Variants in GRM8 observed in about 807,000 individuals in gnomAD.
GRM8 encodes the protein glutamate metabotropic receptor 8.
GRM8 carries 47 observed loss-of-function variants against 87.2 expected under a neutral mutation model. That is an observed-to-expected ratio of 0.54 (90% CI 0.43 to 0.69). GRM8 has a LOEUF of 0.69. GRM8 is among the 30% of genes least tolerant of loss of function. GRM8 has a pLI of 0.00. For missense variants in GRM8, 1,019 were observed against 1,139.2 expected (o/e 0.89, Z 1.52); for synonymous variants, 396 against 404.5 (o/e 0.98, Z 0.25).
intron 9 of GRM8, among the ~76,000 whole-genome samples, chr7:126,481,346 C>T (rs1206105751): frequency 6.6e-6 from 1 of 151,950 alleles, no homozygotes; most frequent in Admixed American, 6.6e-5. Context: ...CAAAAATCTC[C>T]TCCAAATAAA....
chr7:127,036,312 C>A (rs7778308), intron 3 of GRM8, among the ~76,000 whole-genome samples: 3 of 151,870 alleles, frequency 2.0e-5, no homozygotes, highest in Admixed American at 6.6e-5. Flanking sequence ...TCTTTCTGTT[C>A]AGTCGCATAT....
At chr7:127,052,216 A>G (rs550169853) in intron 3 of GRM8, among the ~76,000 whole-genome samples, 1 of 152,214 alleles carries the variant, frequency 6.6e-6, no homozygotes, top group Admixed American at 6.5e-5. Context: ...TTCATTTCCC[A>G]TTTGCAAAAT....
At chr7:127,041,055 G>T (rs1313363351) in intron 3 of GRM8, among the ~76,000 whole-genome samples, 2 of 152,214 alleles carry the variant, frequency 1.3e-5, no homozygotes, top group African/African-American at 4.8e-5. Flanking sequence ...GAGTTTTATA[G>T]TGATTAATAA....
intron 7 of GRM8, among the ~76,000 whole-genome samples, chr7:126,711,814 T>A (rs1811123470): frequency 6.6e-6 from 1 of 152,204 alleles, no homozygotes; most frequent in African/African-American, 2.4e-5. Flanking sequence ...TTCTTAAACC[T>A]CATGAACCAA....
At chr7:126,688,350 T>C (rs924778303) in intron 7 of GRM8, among the ~76,000 whole-genome samples, 1 of 152,140 alleles carries the variant, frequency 6.6e-6, no homozygotes, top group Non-Finnish European at 1.5e-5. Context: ...GCACTCTGAG[T>C]CCTCTGAAGC....
At chr7:126,577,597 C>T (rs1795231593) in intron 8 of GRM8, among the ~76,000 whole-genome samples, 1 of 152,026 alleles carries the variant, frequency 6.6e-6, no homozygotes, top group African/African-American at 2.4e-5. Flanking sequence ...ATTTTACATT[C>T]CAGTACTGTA....
chr7:126,669,735 T>C (rs995928261), intron 7 of GRM8, among the ~76,000 whole-genome samples: 5 of 152,228 alleles, frequency 3.3e-5, no homozygotes, highest in African/African-American at 1.2e-4. Flanking sequence ...GGGTTACCAT[T>C]ATAACAGGTA....
intron 2 of GRM8, among the ~76,000 whole-genome samples, chr7:127,220,625 T>C (rs959319314): frequency 2.0e-5 from 3 of 151,892 alleles, no homozygotes; most frequent in Non-Finnish European, 4.4e-5. Flanking sequence ...GCTGGGACTA[T>C]AGGTGCATGC....
At chr7:127,005,599 C>T (rs899001251) in intron 3 of GRM8, among the ~76,000 whole-genome samples, 1 of 151,778 alleles carries the variant, frequency 6.6e-6, no homozygotes, top group African/African-American at 2.4e-5. Flanking sequence ...AAGTCTTTTA[C>T]AGTTATCTAC....
intron 2 of GRM8, among the ~76,000 whole-genome samples, chr7:127,183,949 C>G (rs1794609304): frequency 6.6e-6 from 1 of 151,808 alleles, no homozygotes; most frequent in Non-Finnish European, 1.5e-5. Flanking sequence ...AAAGACACAA[C>G]TACCAAAAGT....
At chr7:126,750,358 G>T (rs1242338521) in intron 7 of GRM8, among the ~76,000 whole-genome samples, 1 of 151,986 alleles carries the variant, frequency 6.6e-6, no homozygotes, top group Non-Finnish European at 1.5e-5. Flanking sequence ...GAACACTTGA[G>T]GTAATAAACA....
At chr7:126,565,927 C>A (rs1448157269) in intron 8 of GRM8, among the ~76,000 whole-genome samples, 11 of 152,024 alleles carry the variant, frequency 7.2e-5, no homozygotes, top group African/African-American at 1.2e-4. Flanking sequence ...CAAGAATATA[C>A]AATGGGGAAA....
At chr7:126,969,922 T>C (rs1810245920) in intron 3 of GRM8, among the ~76,000 whole-genome samples, 1 of 152,174 alleles carries the variant, frequency 6.6e-6, no homozygotes, top group South Asian at 2.1e-4. Flanking sequence ...AAAACATTAA[T>C]TTCCTTGTGT....
intron 6 of GRM8, among the ~76,000 whole-genome samples, chr7:126,783,315 C>A (rs1314458929): frequency 6.6e-6 from 1 of 152,278 alleles, no homozygotes; most frequent in East Asian, 1.9e-4. Flanking sequence ...ACCTGAATTT[C>A]TTTCTCAAGA....
chr7:126,870,937 G>A (rs1051906365), intron 6 of GRM8, among the ~76,000 whole-genome samples: 7 of 152,120 alleles, frequency 4.6e-5, no homozygotes, highest in African/African-American at 1.7e-4. Context: ...ATATGAAAGA[G>A]CTGCACTCAA....
At chr7:126,646,319 GAAGA>G (rs1459720850) in intron 7 of GRM8, among the ~76,000 whole-genome samples, 11 of 143,176 alleles carry the variant, frequency 7.7e-5, no homozygotes, top group Non-Finnish European at 1.3e-4. Context: ...AGGAAGGAAG[GAAGA>G]AAGGAAGGAA....
chr7:126,897,173 G>A (rs977847412), intron 6 of GRM8, among the ~76,000 whole-genome samples: 3 of 152,130 alleles, frequency 2.0e-5, no homozygotes, highest in Non-Finnish European at 4.4e-5. Context: ...GAAAAGACCC[G>A]GCCTGAGTCC....
At chr7:126,657,283 A>G (rs1804630671) in intron 7 of GRM8, among the ~76,000 whole-genome samples, 1 of 151,564 alleles carries the variant, frequency 6.6e-6, no homozygotes, top group Admixed American at 6.6e-5. Flanking sequence ...AGCTTAAGTT[A>G]CTTGCTTGAC....
intron 2 of GRM8, among the ~76,000 whole-genome samples, chr7:127,144,605 G>A (rs1399173997): frequency 6.6e-6 from 1 of 152,090 alleles, no homozygotes; most frequent in African/African-American, 2.4e-5. Context: ...AGTTCTATAT[G>A]TTGTTTTAAA....
Sources: allele counts gnomAD v4.1 joint callset (sites outside exome capture counted in the v4.1 genomes callset), GRCh38; gene constraint gnomAD v4.1.1; transcripts MANE v1.5; gene names NCBI Gene and HGNC (gene_info 2026-07-23, HGNC 2026-07-21).